Variants in CNTNAP5 observed in about 807,000 individuals in gnomAD.
CNTNAP5 encodes the protein contactin-associated protein-like 5.
Under a neutral mutation model 150.2 loss-of-function variants are expected in CNTNAP5, and 72 were observed. The ratio of observed to expected loss-of-function variants is 0.48; its 90% CI spans 0.40 to 0.58. The LOEUF is 0.58. Ranked by LOEUF, CNTNAP5 falls within the 20% of genes least tolerant of loss-of-function variation. CNTNAP5 has a pLI of 0.00. For missense variants in CNTNAP5, 1,636 were observed against 1,626.2 expected (o/e 1.01, Z -0.10); for synonymous variants, 672 against 619.8 (o/e 1.08, Z -1.25).
chr2:124,479,119 C>T (rs1249153483), intron 7 of CNTNAP5, among the ~76,000 whole-genome samples: 1 of 152,138 alleles, frequency 6.6e-6, no homozygotes, highest in Non-Finnish European at 1.5e-5. Context: ...ATAAAAAATA[C>T]CTCACTATTC....
At chr2:124,047,764 G>A (rs1681576746) in intron 1 of CNTNAP5, among the ~76,000 whole-genome samples, 1 of 152,088 alleles carries the variant, frequency 6.6e-6, no homozygotes, top group Admixed American at 6.5e-5. Context: ...TCTTTTTTCA[G>A]CTCTATCGTT....
At chr2:124,743,899 C>G (rs1680553060) in intron 13 of CNTNAP5, among the ~76,000 whole-genome samples, 1 of 152,064 alleles carries the variant, frequency 6.6e-6, no homozygotes, top group Non-Finnish European at 1.5e-5. Context: ...TTATGTTGTT[C>G]ATTTACTTTG....
At chr2:124,366,018 C>G (rs536294232) in intron 3 of CNTNAP5, among the ~76,000 whole-genome samples, 1 of 152,282 alleles carries the variant, frequency 6.6e-6, no homozygotes, top group East Asian at 1.9e-4. Context: ...CCTATAACCC[C>G]TGTTACATTA....
chr2:124,247,019 C>T (rs1221994461), intron 3 of CNTNAP5, among the ~76,000 whole-genome samples: 1 of 152,066 alleles, frequency 6.6e-6, no homozygotes, highest in Non-Finnish European at 1.5e-5. Context: ...GCATTTGTTA[C>T]CTGGCAGTTT....
intron 3 of CNTNAP5, among the ~76,000 whole-genome samples, chr2:124,367,049 T>C (rs1199395388): frequency 6.6e-6 from 1 of 152,166 alleles, no homozygotes; most frequent in Non-Finnish European, 1.5e-5. Flanking sequence ...TATGTACATG[T>C]TTGATGCAAA....
intron 3 of CNTNAP5, among the ~76,000 whole-genome samples, chr2:124,296,433 T>C (rs1320213777): frequency 1.3e-5 from 2 of 152,216 alleles, no homozygotes; most frequent in Non-Finnish European, 2.9e-5. Flanking sequence ...GTTTCATGGC[T>C]AAGTGTAATG....
At chr2:124,387,598 C>A (rs1389507402) in intron 3 of CNTNAP5, among the ~76,000 whole-genome samples, 1 of 151,854 alleles carries the variant, frequency 6.6e-6, no homozygotes, top group Non-Finnish European at 1.5e-5. Flanking sequence ...AAAGAACCTT[C>A]TTAAGGGTGG....
Position 124,786,382 on chromosome 2 carries a change from AGAAAGAAAGAAAGAAAGAAG to A in CNTNAP5, c.2753-3516_2753-3497del, listed in dbSNP as rs1462871559. Among the ~76,000 whole-genome samples, 123 of 88,372 alleles carry A rather than the reference AGAAAGAAAGAAAGAAAGAAG, an allele frequency of 1.4e-3. 2 individuals carry two copies. The highest frequency in any genetic ancestry group is 1.8e-3 in the Admixed American group (16 of 9,078). The allele number at this position is 88,372 out of a possible 152,430, so 58.0% of individuals were successfully genotyped here. A position where few individuals can be genotyped will look rare whatever the true frequency, so the allele number is the denominator to read the frequency against. ...AAGAAAGAAAGAAAGAAAGAAAGAA[AGAAAGAAAGAAAGAAAGAAG>A]GAAGGAAGGAAGGAAGGAAGGAAGG... On this transcript the variant is annotated intron_variant, in intron 17 of 23. Transcript: ENST00000682447.
chr2:124,170,858 C>T (rs898760344), intron 1 of CNTNAP5, among the ~76,000 whole-genome samples: 4 of 151,824 alleles, frequency 2.6e-5, no homozygotes, highest in African/African-American at 4.8e-5. Context: ...AGACCGTGTT[C>T]ACAGACCCCA....
intron 1 of CNTNAP5, among the ~76,000 whole-genome samples, chr2:124,176,152 G>A (rs910759028): frequency 6.6e-6 from 1 of 152,120 alleles, no homozygotes; most frequent in Admixed American, 6.5e-5. Context: ...TGTTCTCCAT[G>A]TCCCTGGTCT....
chr2:124,794,721 C>T (rs1681808822), intron 18 of CNTNAP5, among the ~76,000 whole-genome samples: 1 of 152,124 alleles, frequency 6.6e-6, no homozygotes, highest in Non-Finnish European at 1.5e-5. Flanking sequence ...CACCGGTTAT[C>T]TAACTTCAAC....
chr2:124,354,280 TTGAG>T (rs1689946437), intron 3 of CNTNAP5, among the ~76,000 whole-genome samples: 1 of 152,126 alleles, frequency 6.6e-6, no homozygotes, highest in Admixed American at 6.6e-5. Flanking sequence ...AAAAAAATCT[TTGAG>T]AATCTAGTTC....
chr2:124,151,471 T>C (rs1684404230), intron 1 of CNTNAP5, among the ~76,000 whole-genome samples: 1 of 152,194 alleles, frequency 6.6e-6, no homozygotes, highest in African/African-American at 2.4e-5. Context: ...AAAAATCAGC[T>C]CTGCCACTTA....
At chr2:124,213,983 A>G (rs1409419700) in intron 1 of CNTNAP5, among the ~76,000 whole-genome samples, 2 of 152,216 alleles carry the variant, frequency 1.3e-5, no homozygotes, top group Non-Finnish European at 2.9e-5. Context: ...ATTAGAGTTT[A>G]GAAGCAGGTT....
intron 1 of CNTNAP5, among the ~76,000 whole-genome samples, chr2:124,035,505 A>G (rs1202794108): frequency 6.6e-6 from 1 of 151,852 alleles, no homozygotes; most frequent in Non-Finnish European, 1.5e-5. Context: ...GTTTTATGGC[A>G]TAAGTTAATG....
At chr2:124,861,902 C>A (rs1175541947) in intron 19 of CNTNAP5, among the ~76,000 whole-genome samples, 1 of 152,324 alleles carries the variant, frequency 6.6e-6, no homozygotes, top group African/African-American at 2.4e-5. Context: ...CAACCTCTAC[C>A]TCCCAGGTTG....
chr2:124,826,750 A>G (rs1323432577), intron 19 of CNTNAP5, among the ~76,000 whole-genome samples: 1 of 152,032 alleles, frequency 6.6e-6, no homozygotes, highest in African/African-American at 2.4e-5. Context: ...AAAATCTGCT[A>G]TTATAGCCAG....
intron 1 of CNTNAP5, among the ~76,000 whole-genome samples, chr2:124,154,408 G>A (rs139931338): frequency 5.9e-5 from 9 of 152,246 alleles, no homozygotes; most frequent in Non-Finnish European, 1.2e-4. Context: ...GGGGTGAGGA[G>A]AGGTGGAATG....
intron 3 of CNTNAP5, among the ~76,000 whole-genome samples, chr2:124,346,688 A>G (rs943892701): frequency 6.6e-6 from 1 of 152,140 alleles, no homozygotes; most frequent in Non-Finnish European, 1.5e-5. Flanking sequence ...AGCTAAAAAT[A>G]TGTTTATTAA....
Sources: gnomAD v4.1 joint callset for allele counts (sites outside exome capture counted in the v4.1 genomes callset) on GRCh38, gnomAD v4.1.1 for gene constraint, MANE v1.5 for transcripts, NCBI Gene and HGNC (gene_info 2026-07-23, HGNC 2026-07-21) for gene names.